The following DPP6 variants were observed in gnomAD, a reference collection of about 807,000 sequenced individuals.
DPP6 encodes the protein A-type potassium channel modulatory protein DPP6.
A neutral mutation model predicts 122.6 loss-of-function variants in DPP6; 69 were observed. That is an observed-to-expected ratio of 0.56 (90% CI 0.46 to 0.69). DPP6 has a LOEUF of 0.69. Among genes scored for constraint, DPP6 ranks in the 30% least tolerant of loss-of-function variants. The probability of loss-of-function intolerance (pLI) is 0.00; values close to 1 mark genes in which losing one functional copy is unlikely to be tolerated. For missense variants in DPP6, 928 were observed against 1,116.9 expected, an observed-to-expected ratio of 0.83 and a Z score of 2.41; for synonymous variants, 418 against 433.1, an observed-to-expected ratio of 0.97 and a Z score of 0.43.
At chr7:153,929,289 G>A (rs777512803) in intron 1 of DPP6, among the ~76,000 whole-genome samples, 5 of 152,144 alleles carry the variant, frequency 3.3e-5, no homozygotes. Flanking sequence ...GATAAGATGT[G>A]GGGAATGAGA....
chr7:154,504,666 A>G (rs1825532257), intron 3 of DPP6, among the ~76,000 whole-genome samples: 1 of 152,160 alleles, frequency 6.6e-6, no homozygotes, highest in South Asian at 2.1e-4. Context: ...ATATTCCTCA[A>G]AATGCAAATT....
chr7:154,119,250 T>A (rs1437684583), intron 1 of DPP6, among the ~76,000 whole-genome samples: 1 of 152,200 alleles, frequency 6.6e-6, no homozygotes, highest in Non-Finnish European at 1.5e-5. Context: ...CTGGAGGTTT[T>A]CATCGTGTAA....
At chr7:154,168,362 T>C (rs1032457357) in intron 1 of DPP6, among the ~76,000 whole-genome samples, 4 of 152,278 alleles carry the variant, frequency 2.6e-5, no homozygotes, top group African/African-American at 7.2e-5. Context: ...CATAAACGCA[T>C]TGATCACCCT....
At chr7:154,805,182 T>A (rs1451509646) in intron 15 of DPP6, among the ~76,000 whole-genome samples, 1 of 152,242 alleles carries the variant, frequency 6.6e-6, no homozygotes, top group Non-Finnish European at 1.5e-5. Context: ...CTGCTGTTGT[T>A]GACTTGGGTT....
chr7:154,393,369 C>G (rs1814791570), intron 1 of DPP6, among the ~76,000 whole-genome samples: 1 of 152,142 alleles, frequency 6.6e-6, no homozygotes, highest in African/African-American at 2.4e-5. Context: ...GCAAACTGAG[C>G]CTGGTATGTG....
chr7:154,619,357 A>G (rs775773544), intron 5 of DPP6, among the ~76,000 whole-genome samples: 7 of 152,218 alleles, frequency 4.6e-5, no homozygotes, highest in Non-Finnish European at 8.8e-5. Flanking sequence ...GTCCTAAGCA[A>G]TCATGTTAAT....
chr7:154,147,886 G>A (rs868830188), intron 1 of DPP6, among the ~76,000 whole-genome samples: 1 of 149,848 alleles, frequency 6.7e-6, no homozygotes, highest in African/African-American at 2.5e-5. Context: ...ACATGAAATA[G>A]TTTTGATGTT....
intron 5 of DPP6, among the ~76,000 whole-genome samples, chr7:154,599,229 A>T (rs1833276841): frequency 6.6e-6 from 1 of 152,176 alleles, no homozygotes. Context: ...CGTAAAATCC[A>T]GGGAAAACAA....
At chr7:154,240,440 T>C (rs183545826) in intron 1 of DPP6, among the ~76,000 whole-genome samples, 1 of 152,316 alleles carries the variant, frequency 6.6e-6, no homozygotes, top group Non-Finnish European at 1.5e-5. Flanking sequence ...TATGAGCTTT[T>C]CCTTCTATAA....
intron 1 of DPP6, among the ~76,000 whole-genome samples, chr7:154,035,267 T>C (rs1285594172): frequency 1.3e-5 from 2 of 152,260 alleles, no homozygotes; most frequent in Non-Finnish European, 2.9e-5. Context: ...AGAACTATGA[T>C]GTGGTCATGT....
chr7:154,270,770 G>C (rs545984000), intron 1 of DPP6, among the ~76,000 whole-genome samples: 2 of 152,302 alleles, frequency 1.3e-5, no homozygotes, highest in South Asian at 4.1e-4. Flanking sequence ...AAGAGTACAA[G>C]TGCCTGGTCT....
chr7:153,776,968 G>A, the DPP6 span, among the ~76,000 whole-genome samples: 1 of 152,186 alleles, frequency 6.6e-6, no homozygotes. Flanking sequence ...CTGGTAAAGA[G>A]TATTTGCAAA....
rs1806094146 is a variant in DPP6, at chr7:154,885,737, A to C, written c.2238A>C (p.Lys746Asn). The C allele has an allele frequency of 1.3e-6, 2 of 1,590,472 alleles. No individual in the cohort carries two copies. Among genetic ancestry groups the C allele is most frequent in the Non-Finnish European group, 1.7e-6 (2 of 1,168,596 alleles). ...CTCTCTCTCCAATAACAGACTTCAA[A>C]CTCTATGGTAAATAGCCCTGCAGGA... ...GSALSPITDF[K>N]LYASAFSERY... Residue 746 changes from lysine (K) to asparagine (N), a missense_variant, in exon 22 of 26, where the codon AAA becomes AAC. Transcript: ENST00000377770.
chr7:154,268,925 C>T (rs1341488330), intron 1 of DPP6, among the ~76,000 whole-genome samples: 2 of 99,982 alleles, frequency 2.0e-5, no homozygotes, highest in Non-Finnish European at 4.4e-5. Flanking sequence ...ATCCTGTCAT[C>T]TCACTAGACT....
At chr7:153,886,855 C>T (rs1337451257), upstream of DPP6, among the ~76,000 whole-genome samples, 1 of 152,182 alleles carries the variant, frequency 6.6e-6, no homozygotes, top group Non-Finnish European at 1.5e-5. Context: ...CGGCCTCTCC[C>T]TTCTCTCGCG....
At chr7:153,818,983 C>CA in the DPP6 span, among the ~76,000 whole-genome samples, 1 of 150,118 alleles carries the variant, frequency 6.7e-6, no homozygotes, top group East Asian at 2.0e-4. Flanking sequence ...AACTCCTGAC[C>CA]TCGTGATCCG....
chr7:154,077,417 C>T (rs1803634874), intron 1 of DPP6, among the ~76,000 whole-genome samples: 3 of 152,140 alleles, frequency 2.0e-5, no homozygotes, highest in Non-Finnish European at 1.5e-5. Flanking sequence ...CTGAAGTACT[C>T]CTTATTTATA....
Position 153,982,860 on chromosome 7 carries a change from G to C in DPP6, c.51+95126G>C, listed in dbSNP as rs1796660506. On this transcript the variant is annotated intron_variant, in intron 1 of 25. Transcript: ENST00000404039. Reference sequence around the variant, plus strand: ...TCCACTCCAGACCCTGTTTGCCTGGGTATCACCAGTGAAGGCTGCAGAACA... The same window carrying C: ...TCCACTCCAGACCCTGTTTGCCTGGCTATCACCAGTGAAGGCTGCAGAACA... Among the ~76,000 whole-genome samples, 4 of 152,296 alleles carry C rather than the reference G, an allele frequency of 2.6e-5. No homozygotes were observed. The South Asian group carries it at 8.3e-4, about 32-fold the overall frequency.
At chr7:154,098,944 C>T (rs567424527) in intron 1 of DPP6, among the ~76,000 whole-genome samples, 1 of 152,326 alleles carries the variant, frequency 6.6e-6, no homozygotes, top group East Asian at 1.9e-4. Context: ...TAAATCATGC[C>T]AATCTGCTCA....
Sources: allele counts gnomAD v4.1 joint callset (sites outside exome capture counted in the v4.1 genomes callset), GRCh38; gene constraint gnomAD v4.1.1; transcripts MANE v1.5; gene names NCBI Gene and HGNC (gene_info 2026-07-23, HGNC 2026-07-21).